PPP1R15B: variants seen among roughly 807,000 people sequenced by gnomAD.
PPP1R15B encodes protein phosphatase 1 regulatory subunit 15B, also known as protein phosphatase 1, regulatory (inhibitor) subunit 15B.
A neutral mutation model predicts 53.9 loss-of-function variants in PPP1R15B; 31 were observed. The observed-to-expected ratio is 0.58, with a 90% confidence interval of 0.43 to 0.78. The LOEUF (loss-of-function observed/expected upper bound fraction) is 0.78, where lower values mean the gene tolerates loss of function less well. PPP1R15B is among the 30% of genes least tolerant of loss of function. The probability of loss-of-function intolerance (pLI) is 0.00; values close to 1 mark genes in which losing one functional copy is unlikely to be tolerated. For synonymous variants in PPP1R15B, 345 were observed against 329.1 expected (o/e 1.05, Z -0.52); for missense variants, 928 against 849.6 (o/e 1.09, Z -1.15).
At position 204,411,386 on chromosome 1, in the gene PPP1R15B, C is replaced by G. The variant is rs1471574641; in HGVS notation, c.26G>C (p.Arg9Pro). The G allele has an allele frequency of 1.2e-6, 2 of 1,612,784 alleles. No homozygotes were observed. The stretch of plus-strand genomic sequence containing the variant: ...GCCCGCCCGAGGGCCAAGCCGTTTC[C>G]GCGATCCGCCTGTCCCCGGCTCCAT... MEPGTGGSRKRLGPRAGFR... is the reference protein window; with the variant it reads MEPGTGGSPKRLGPRAGFR... Residue 9 changes from arginine to proline, a missense_variant, in exon 1 of 2, where the codon CGG becomes CCG. Physicochemically the swap from Arg to Pro is moderately radical, Grantham distance 103 (BLOSUM62 -2). Coordinates refer to ENST00000367188, the MANE Select transcript of PPP1R15B (RefSeq NM_032833.5).
At position 204,410,933 on chromosome 1, in the gene PPP1R15B, A is replaced by T. The variant is rs1287563396; in HGVS notation, c.479T>A (p.Leu160His). The T allele has an allele frequency of 6.2e-7, 1 of 1,614,050 alleles. No homozygotes were observed. Among genetic ancestry groups the T allele is most frequent in the Non-Finnish European group, 8.5e-7 (1 of 1,179,986 alleles). The part of the protein sequence containing the change: ...QYSPPDLKLE[L>H]KAKGSALDPA... Reference sequence around the variant, plus strand: ...GTCCAAAGCACTTCCCTTGGCCTTAAGCTCCAATTTTAGGTCTGGGGGCGA... The same window carrying T: ...GTCCAAAGCACTTCCCTTGGCCTTATGCTCCAATTTTAGGTCTGGGGGCGA... The change falls in exon 1 of 2, where the codon CTT (leucine) becomes CAT (histidine). Residue 160 changes from leucine (L) to histidine (H), a missense_variant. By Grantham distance (99) the Leu-to-His change is moderately conservative (BLOSUM62 -3). Transcript: ENST00000367188.
chr1:204,404,450 A>G lies in PPP1R15B; in HGVS notation c.*1642T>C. ...CAGTGAGCCGAGATCGCGCCACTGC[A>G]CTCCAAGCTGGGGGACCGAACGAGA... On this transcript the variant is annotated 3_prime_UTR_variant, in exon 2 of 2. Transcript: ENST00000367188. The G allele has an allele frequency of 2.4e-6, 2 of 816,622 alleles. No individual in the cohort carries two copies. Among genetic ancestry groups the G allele is most frequent in the Non-Finnish European group, 3.0e-6 (2 of 676,378 alleles). 50.6% of individuals were successfully genotyped at this position (816,622 alleles called of 1,614,324 possible). A position where few individuals can be genotyped will look rare whatever the true frequency, so the allele number is the denominator to read the frequency against.
rs1469279502 is a variant in PPP1R15B at position 204,405,151 on chromosome 1, A to C, written c.*941T>G. The C allele has an allele frequency of 6.1e-6, 6 of 985,734 alleles. No individual in the cohort carries two copies. 61.1% of individuals were successfully genotyped at this position (985,734 alleles called of 1,614,324 possible). ...ATTCATTAACACTGGTTTTCTGTTG[A>C]GAACATATACACCAAAACCAAATTG... On this transcript the variant is annotated 3_prime_UTR_variant, in exon 2 of 2. Transcript: ENST00000367188.
In PPP1R15B at chr1:204,409,795, C is replaced by T; in HGVS notation, c.1617G>A (p.Glu539=). ...CTGCACTAGATTCCCAGTCATCTTCCTCCCCAGAACTATGCTCAGGGGTCT... is the reference window on the plus strand; with the variant it reads ...CTGCACTAGATTCCCAGTCATCTTCTTCCCCAGAACTATGCTCAGGGGTCT... ...LPETPEHSSG[E]EDDWESSADE... The change falls in exon 1 of 2, where the codon GAG becomes GAA. Residue 539 remains glutamate, a synonymous_variant. Transcript: ENST00000367188. 6.2e-7 allele frequency: 1 copy of T among 1,614,168 alleles called. No homozygotes were observed. The highest frequency in any genetic ancestry group is 8.5e-7 in the Non-Finnish European group (1 of 1,180,020).
chr1:204,407,069 C>A lies in PPP1R15B; in HGVS notation c.1921-756G>T, dbSNP rs370329262. 1.3e-4 allele frequency among the ~76,000 whole-genome samples: 20 copies of A among 152,236 alleles called. No homozygotes were observed. The South Asian group carries it at 4.1e-3, about 32-fold the overall frequency. ...ACAAGCAAAATATTTCTGAAAATAA[C>A]CACTATATCCCTGGAAGTCACTGTT... is the stretch of plus-strand genomic sequence containing the variant. On this transcript the variant is annotated intron_variant, in intron 1 of 1. Coordinates refer to ENST00000367188, the MANE Select transcript of PPP1R15B (RefSeq NM_032833.5).
Position 204,403,645 on chromosome 1 carries a change from A to T in PPP1R15B, c.*2447T>A. The T allele has an allele frequency of 1.0e-6, 1 of 985,124 alleles. No homozygotes were observed. Among genetic ancestry groups the T allele is most frequent in the Non-Finnish European group, 1.2e-6 (1 of 829,222 alleles). 61.0% of individuals were successfully genotyped at this position (985,124 alleles called of 1,614,324 possible). ...ATGGAACTTTTACCTGTCTGTACAA[A>T]GCCTTTTACATGCTACATTGACACT... On this transcript the variant is annotated 3_prime_UTR_variant, in exon 2 of 2. Coordinates refer to ENST00000367188, the MANE Select transcript of PPP1R15B (RefSeq NM_032833.5).
At position 204,410,640 on chromosome 1, in the gene PPP1R15B, T is replaced by G. The variant is rs1303045403; in HGVS notation, c.772A>C (p.Ser258Arg). ...TGACAATGGTCCTCTCTCAGGCAGC[T>G]GCTCTCTGGGGTTAGTGTCTGGAAG... ...VGFQTLTPES[S>R]CLREDHCHPQ... is the part of the protein sequence containing the mutation. The change falls in exon 1 of 2, where the codon AGC becomes CGC. Residue 258 changes from serine to arginine, a missense_variant. By Grantham distance (110) the Ser-to-Arg change is moderately radical. Coordinates refer to ENST00000367188, the MANE Select transcript of PPP1R15B (RefSeq NM_032833.5). 1 of 1,614,072 alleles carries G rather than the reference T, an allele frequency of 6.2e-7. No individual in the cohort carries two copies. The highest frequency in any genetic ancestry group is 1.1e-5 in the South Asian group (1 of 91,066).
downstream of PPP1R15B, among the ~76,000 whole-genome samples, chr1:204,402,282 A>G (rs897508455): frequency 1.3e-5 from 2 of 152,150 alleles, no homozygotes; most frequent in Non-Finnish European, 2.9e-5. Flanking sequence ...GAGTGCTATT[A>G]TTCTTTCATC....
At chr1:204,406,443 A>C (rs1674265955) in intron 1 of PPP1R15B, 130 bp from the exon 2 acceptor site, 2 of 1,278,776 alleles carry the variant, frequency 1.6e-6, no homozygotes, top group Non-Finnish European at 1.0e-6. Context: ...TATTAGGAAT[A>C]TTTGGTCCCA....
rs936148850 is a variant in PPP1R15B at position 204,409,816 on chromosome 1, G to A, written c.1596C>T (p.Thr532=). The change falls in exon 1 of 2, where the codon ACC becomes ACT. Residue 532 remains threonine (T), a synonymous_variant. Transcript: ENST00000367188. ...CTTCCTCCCCAGAACTATGCTCAGG[G>A]GTCTCAGGAAGGCTTCCAGACTGGG... ...NSSQSGSLPE[T]PEHSSGEEDD... 6.2e-7 allele frequency: 1 copy of A among 1,614,152 alleles called. No individual in the cohort carries two copies. Among genetic ancestry groups the A allele is most frequent in the Non-Finnish European group, 8.5e-7 (1 of 1,180,026 alleles).
chr1:204,400,294 T>C (rs994091514), downstream of PPP1R15B, among the ~76,000 whole-genome samples: 2 of 151,114 alleles, frequency 1.3e-5, no homozygotes, highest in African/African-American at 4.8e-5. Context: ...CTATCACCTC[T>C]TTCTTTGACC....
downstream of PPP1R15B, among the ~76,000 whole-genome samples, chr1:204,398,169 T>C (rs973680155): frequency 6.6e-6 from 1 of 152,138 alleles, no homozygotes; most frequent in Non-Finnish European, 1.5e-5. Context: ...TCAATGTGAC[T>C]TGAACAGTGA....
Position 204,410,018 on chromosome 1 carries a change from T to A in PPP1R15B, c.1394A>T (p.Asp465Val). 6.2e-7 allele frequency: 1 copy of A among 1,614,170 alleles called. No individual in the cohort carries two copies. Among genetic ancestry groups the A allele is most frequent in the Non-Finnish European group, 8.5e-7 (1 of 1,180,004 alleles). ...DGFDSDSSLS[D>V]SDLEQDPEGL... is the part of the protein sequence containing the mutation. ...TTCAGGGTCTTGTTCAAGGTCTGAG[T>A]CTGACAGTGAGCTATCACTATCAAA... The change falls in exon 1 of 2, where the codon GAC (aspartate) becomes GTC (valine). Residue 465 changes from aspartate (D) to valine (V), a missense_variant. By Grantham distance (152) the Asp-to-Val change is radical. Transcript: ENST00000367188.
At chr1:204,399,013 T>C (rs1050392564), downstream of PPP1R15B, among the ~76,000 whole-genome samples, 3 of 152,254 alleles carry the variant, frequency 2.0e-5, no homozygotes, top group African/African-American at 7.2e-5. Flanking sequence ...AGCTTTTCTC[T>C]AAGGACATTT....
At chr1:204,406,884 A>G (rs1674274410) in intron 1 of PPP1R15B, among the ~76,000 whole-genome samples, 1 of 151,944 alleles carries the variant, frequency 6.6e-6, no homozygotes, top group South Asian at 2.1e-4. Flanking sequence ...TAATATACAC[A>G]CACAGTCGTC....
At chr1:204,396,353 CA>C (rs1448025124), downstream of PPP1R15B, among the ~76,000 whole-genome samples, 2,552 of 60,694 alleles carry the variant, frequency 0.042, 66 homozygotes, top group African/African-American at 0.13. Flanking sequence ...ACTAAAAATA[CA>C]AAAAAAAAAA....
Position 204,405,710 on chromosome 1 carries a change from C to T in PPP1R15B, c.*382G>A. On this transcript the variant is annotated 3_prime_UTR_variant, in exon 2 of 2. Coordinates refer to ENST00000367188, the MANE Select transcript of PPP1R15B (RefSeq NM_032833.5). ...AGCCCAAAGTTTTCAGATAGGCACACATAATTTAGATTAGAAATGAAAATG... is the reference window on the plus strand; with the variant it reads ...AGCCCAAAGTTTTCAGATAGGCACATATAATTTAGATTAGAAATGAAAATG... 1 of 992,112 alleles carries T rather than the reference C, an allele frequency of 1.0e-6. No homozygotes were observed. Among genetic ancestry groups the T allele is most frequent in the South Asian group, 4.5e-5 (1 of 22,068 alleles). 61.5% of individuals were successfully genotyped at this position (992,112 alleles called of 1,614,324 possible).
At chr1:204,398,229 A>T (rs911711675), downstream of PPP1R15B, among the ~76,000 whole-genome samples, 1 of 152,178 alleles carries the variant, frequency 6.6e-6, no homozygotes, top group African/African-American at 2.4e-5. Context: ...TGTAATCGCG[A>T]CACTTTGGGA....
chr1:204,407,686 C>G (rs1396338477), intron 1 of PPP1R15B, among the ~76,000 whole-genome samples: 1 of 152,078 alleles, frequency 6.6e-6, no homozygotes, highest in Non-Finnish European at 1.5e-5. Flanking sequence ...TTACCATATA[C>G]CAGGCTTTTT....
Sources: allele counts gnomAD v4.1 joint callset (sites outside exome capture counted in the v4.1 genomes callset), GRCh38; gene constraint gnomAD v4.1.1; transcripts MANE v1.5; gene names NCBI Gene and HGNC (gene_info 2026-07-23, HGNC 2026-07-21).